Variants in LUZP1 observed in about 807,000 individuals in gnomAD.
LUZP1 encodes the protein filamin mechanobinding actin cross-linking protein.
In LUZP1, 25 loss-of-function variants were observed where a neutral mutation model predicts 71.3. That is an observed-to-expected ratio of 0.35 (90% CI 0.26 to 0.49). The LOEUF (loss-of-function observed/expected upper bound fraction) is 0.49, where lower values mean the gene tolerates loss of function less well. Among genes scored for constraint, LUZP1 ranks in the 20% least tolerant of loss-of-function variants. The probability of loss-of-function intolerance (pLI) is 0.99; values close to 1 mark genes in which losing one functional copy is unlikely to be tolerated. For synonymous variants in LUZP1, 481 were observed against 506.4 expected, an observed-to-expected ratio of 0.95 and a Z score of 0.67; for missense variants, 1,142 against 1,300.8, an observed-to-expected ratio of 0.88 and a Z score of 1.88.
intron 2 of LUZP1, among the ~76,000 whole-genome samples, chr1:23,132,449 A>G (rs1644222407): frequency 1.3e-5 from 2 of 151,976 alleles, no homozygotes; most frequent in East Asian, 3.9e-4. Context: ...AGAAAACTTT[A>G]CTGTCCAATT....
intron 3 of LUZP1, among the ~76,000 whole-genome samples, chr1:23,100,963 T>C (rs1643927434): frequency 6.6e-6 from 1 of 152,226 alleles, no homozygotes; most frequent in Non-Finnish European, 1.5e-5. Context: ...GTCTCCTGAC[T>C]CTATGTTCAG....
chr1:23,147,051 C>T (rs1245232756), intron 2 of LUZP1, among the ~76,000 whole-genome samples: 1 of 151,220 alleles, frequency 6.6e-6, no homozygotes, highest in African/African-American at 2.4e-5. Flanking sequence ...GAGCCGAGAT[C>T]GCGCCACCGC....
chr1:23,090,516 G>C, intron 4 of LUZP1: 1 of 230,596 alleles, frequency 4.3e-6, no homozygotes, highest in South Asian at 1.3e-4. Context: ...GACACCCTGA[G>C]CCTCACACTC....
intron 2 of LUZP1, among the ~76,000 whole-genome samples, chr1:23,124,550 GT>G (rs775392270): frequency 2.0e-5 from 3 of 152,072 alleles, no homozygotes; most frequent in Non-Finnish European, 4.4e-5. Flanking sequence ...AATTTCAAGA[GT>G]TTTTCTCTTA....
chr1:23,135,068 T>C (rs1557668777), intron 2 of LUZP1, among the ~76,000 whole-genome samples: 1 of 152,170 alleles, frequency 6.6e-6, no homozygotes, highest in African/African-American at 2.4e-5. Flanking sequence ...AGAATCTGTG[T>C]GACAAGGAAC....
intron 3 of LUZP1, among the ~76,000 whole-genome samples, chr1:23,097,410 T>C (rs974962695): frequency 1.3e-5 from 2 of 152,176 alleles, no homozygotes; most frequent in East Asian, 1.9e-4. Flanking sequence ...AGGCAAAACA[T>C]AGTTATGGCC....
intron 2 of LUZP1, among the ~76,000 whole-genome samples, chr1:23,122,695 A>C (rs1644140027): frequency 6.6e-6 from 1 of 152,248 alleles, no homozygotes; most frequent in Admixed American, 6.5e-5. Context: ...ATAACTTATT[A>C]AAACGGGAGT....
chr1:23,091,657 T>C (rs1310968406), exon 4 of LUZP1: 1 of 1,614,086 alleles, frequency 6.2e-7, no homozygotes, highest in Non-Finnish European at 8.5e-7. Context: ...GTTTCTGGCC[T>C]GTCCTTCAGG....
chr1:23,162,023 CAAAAAAAAAAAAA>C (rs377371342), intron 2 of LUZP1, among the ~76,000 whole-genome samples: 4 of 59,514 alleles, frequency 6.7e-5, no homozygotes, highest in South Asian at 6.9e-4. Flanking sequence ...GAGACTGTCT[CAAAAAAAAAAAAA>C]AAAAAAAAAA....
intron 2 of LUZP1, among the ~76,000 whole-genome samples, chr1:23,130,618 C>G (rs1186934857): frequency 6.6e-6 from 1 of 150,776 alleles, no homozygotes; most frequent in East Asian, 1.9e-4. Flanking sequence ...CCCACCTCAG[C>G]CTGGCAAAGT....
chr1:23,094,202 T>C lies in LUZP1; in HGVS notation c.60A>G (p.Leu20=), dbSNP rs773958705. 5 of 1,613,434 alleles carry C rather than the reference T, an allele frequency of 3.1e-6. No individual in the cohort carries two copies. The highest frequency in any genetic ancestry group is 1.3e-5 in the African/African-American group (1 of 74,850). ...CATCAAGGCGGCGGCTTAGACTCTGTAGCTTAAACCGCAAGTGGCGGCTGG... is the reference window on the plus strand; with the variant it reads ...CATCAAGGCGGCGGCTTAGACTCTGCAGCTTAAACCGCAAGTGGCGGCTGG... The change falls in exon 4 of 5, where the codon CTA becomes CTG. Residue 20 remains leucine (L), a synonymous_variant. Transcript: ENST00000302291. The surrounding 1 kb of genome is among the most constrained non-coding windows in gnomAD (Gnocchi z 4.7).
chr1:23,086,087 G>A (rs1223114758), exon 5 of LUZP1: 3 of 152,158 alleles, frequency 2.0e-5, no homozygotes, highest in African/African-American at 4.8e-5. Context: ...TCAACTACCA[G>A]GTCTCCCCTC....
At chr1:23,159,532 A>G (rs771961371) in intron 2 of LUZP1, among the ~76,000 whole-genome samples, 3 of 152,234 alleles carry the variant, frequency 2.0e-5, no homozygotes, top group Non-Finnish European at 2.9e-5. Flanking sequence ...TTAAAATAAT[A>G]AACTATATAC....
chr1:23,150,800 C>T (rs1644377630), intron 2 of LUZP1, among the ~76,000 whole-genome samples: 1 of 152,170 alleles, frequency 6.6e-6, no homozygotes, highest in South Asian at 2.1e-4. Flanking sequence ...CAAGTGGAAT[C>T]ATCTCCAAAA....
At chr1:23,127,929 G>A (rs1325426850) in intron 2 of LUZP1, among the ~76,000 whole-genome samples, 1 of 152,114 alleles carries the variant, frequency 6.6e-6, no homozygotes, top group Non-Finnish European at 1.5e-5. Flanking sequence ...TCAGGAGTTC[G>A]AGACCAGCCT....
intron 2 of LUZP1, among the ~76,000 whole-genome samples, chr1:23,149,079 T>TAAA (rs58910170): frequency 0.087 from 3,258 of 37,298 alleles, 215 homozygotes; most frequent in Admixed American, 0.11. Context: ...ACACCTTGCC[T>TAAA]AAAAAAAAAA....
At chr1:23,165,023 T>A (rs1170499981) in intron 2 of LUZP1, among the ~76,000 whole-genome samples, 2 of 152,340 alleles carry the variant, frequency 1.3e-5, no homozygotes, top group East Asian at 3.9e-4. Flanking sequence ...TACTTCCTCC[T>A]GAATTTATTT....
chr1:23,131,981 C>T (rs1360650674), intron 2 of LUZP1, among the ~76,000 whole-genome samples: 1 of 152,164 alleles, frequency 6.6e-6, no homozygotes, highest in East Asian at 1.9e-4. Flanking sequence ...CCACTGCGCC[C>T]GGCCCACACC....
intron 2 of LUZP1, among the ~76,000 whole-genome samples, chr1:23,164,829 AC>A (rs1200729517): frequency 6.6e-6 from 1 of 152,112 alleles, no homozygotes; most frequent in Non-Finnish European, 1.5e-5. Context: ...CACCATCCCC[AC>A]CCTTAAGTAT....
Sources: gnomAD v4.1 joint callset for allele counts (sites outside exome capture counted in the v4.1 genomes callset) on GRCh38, gnomAD v4.1.1 for gene constraint, Gnocchi (gnomAD v3.1) non-coding constraint, MANE v1.5 for transcripts, NCBI Gene and HGNC (gene_info 2026-07-23, HGNC 2026-07-21) for gene names.